DSCAM: variants seen among roughly 807,000 people sequenced by gnomAD.
DSCAM encodes cell adhesion molecule DSCAM.
In DSCAM, 47 loss-of-function variants were observed where a neutral mutation model predicts 217.7. That is an observed-to-expected ratio of 0.22 (90% CI 0.17 to 0.28). DSCAM has a LOEUF of 0.28. Ranked by LOEUF, DSCAM falls within the 10% of genes least tolerant of loss-of-function variation. The pLI, the probability that DSCAM is intolerant of heterozygous loss-of-function variation, is 1.00. For synonymous variants in DSCAM, 1,056 were observed against 1,015.3 expected (o/e 1.04, Z -0.76); for missense variants, 2,080 against 2,618.3 (o/e 0.79, Z 4.49).
At chr21:40,269,062 C>G (rs2073579176) in intron 11 of DSCAM, among the ~76,000 whole-genome samples, 1 of 152,138 alleles carries the variant, frequency 6.6e-6, no homozygotes, top group South Asian at 2.1e-4. Flanking sequence ...AGCAGGATTA[C>G]CGAGGGGAAC....
chr21:40,236,653 G>A (rs2073083840), intron 11 of DSCAM, among the ~76,000 whole-genome samples: 1 of 152,106 alleles, frequency 6.6e-6, no homozygotes, highest in Admixed American at 6.5e-5. Context: ...CTGAGCCCTA[G>A]GCATTAGTTC....
intron 1 of DSCAM, among the ~76,000 whole-genome samples, chr21:40,824,204 C>T (rs1201226409): frequency 3.9e-5 from 6 of 152,066 alleles, no homozygotes; most frequent in African/African-American, 1.2e-4. Context: ...ACCCCGGCAC[C>T]GTGGAATTAG....
intron 3 of DSCAM, among the ~76,000 whole-genome samples, chr21:40,526,590 G>A (rs2076402527): frequency 6.6e-6 from 1 of 152,120 alleles, no homozygotes; most frequent in African/African-American, 2.4e-5. Flanking sequence ...GTGGGATTCA[G>A]GGAGATAATG....
At chr21:40,596,851 C>T (rs938661852) in intron 3 of DSCAM, among the ~76,000 whole-genome samples, 2 of 151,234 alleles carry the variant, frequency 1.3e-5, no homozygotes, top group Admixed American at 6.6e-5. Context: ...TCCCAGTTTC[C>T]TCATTTTACA....
rs545792028 is a variant in DSCAM at position 40,214,754 on chromosome 21, A to C, written c.2357-25516T>G. On this transcript the variant is annotated intron_variant, in intron 11 of 32. Transcript: ENST00000400454. Reference sequence around the variant, plus strand: ...CAACAGCAAAAAAAAAAAAAAAAACAAAACAAAAAACAACAAGAAAAAGAC... The same window carrying C: ...CAACAGCAAAAAAAAAAAAAAAAACCAAACAAAAAACAACAAGAAAAAGAC... Among the ~76,000 whole-genome samples, 3 of 149,352 alleles carry C rather than the reference A, an allele frequency of 2.0e-5. 1 individual carries two copies. The highest frequency in any genetic ancestry group is 1.9e-4 in the East Asian group (1 of 5,136).
intron 8 of DSCAM, among the ~76,000 whole-genome samples, chr21:40,337,118 T>A (rs1218635794): frequency 2.6e-5 from 4 of 152,196 alleles, no homozygotes; most frequent in Non-Finnish European, 5.9e-5. Context: ...TGTGTGTGTG[T>A]CTGTATGCGT....
intron 11 of DSCAM, among the ~76,000 whole-genome samples, chr21:40,271,793 G>A (rs115635099): frequency 0.014 from 2,140 of 152,202 alleles, 61 homozygotes; most frequent in African/African-American, 0.049. Flanking sequence ...AGGTGCAGTC[G>A]CTCTGCCCAC....
At chr21:40,712,506 AT>A (rs961655883) in intron 1 of DSCAM, among the ~76,000 whole-genome samples, 20 of 144,728 alleles carry the variant, frequency 1.4e-4, no homozygotes, top group African/African-American at 5.1e-4. Context: ...AGAATCTAAC[AT>A]TTATCTATTA....
intron 19 of DSCAM, among the ~76,000 whole-genome samples, chr21:40,133,604 A>G (rs1363937012): frequency 2.5e-5 from 3 of 119,754 alleles, no homozygotes; most frequent in East Asian, 5.7e-4. Flanking sequence ...ACTTGGCCAA[A>G]AAAAACAAAA....
At chr21:40,374,653 T>G (rs1343145845) in intron 3 of DSCAM, among the ~76,000 whole-genome samples, 1 of 152,166 alleles carries the variant, frequency 6.6e-6, no homozygotes, top group Non-Finnish European at 1.5e-5. Context: ...TGCACAAAAT[T>G]TATATGATGA....
At chr21:40,685,756 AC>A (rs2090465961) in intron 3 of DSCAM, among the ~76,000 whole-genome samples, 2 of 152,110 alleles carry the variant, frequency 1.3e-5, no homozygotes, top group Admixed American at 6.5e-5. Flanking sequence ...GGGCTTGGGG[AC>A]CTTTGACATG....
At chr21:40,698,382 C>G (rs1355469953) in intron 2 of DSCAM, among the ~76,000 whole-genome samples, 1 of 152,088 alleles carries the variant, frequency 6.6e-6, no homozygotes, top group Non-Finnish European at 1.5e-5. Flanking sequence ...GAAATCAAAA[C>G]TTAAGTGGGG....
chr21:40,432,241 T>TA (rs2075541611), intron 3 of DSCAM, among the ~76,000 whole-genome samples: 1 of 71,894 alleles, frequency 1.4e-5, no homozygotes, highest in African/African-American at 3.9e-5. Context: ...TAAATAAATA[T>TA]CTTCTTCTTC....
chr21:40,323,046 C>T (rs1425600869), intron 8 of DSCAM, among the ~76,000 whole-genome samples: 1 of 152,070 alleles, frequency 6.6e-6, no homozygotes, highest in African/African-American at 2.4e-5. Flanking sequence ...AGGACAGGCT[C>T]TTTTTTGGAG....
chr21:40,020,982 G>A (rs904081263), intron 32 of DSCAM, among the ~76,000 whole-genome samples: 6 of 152,026 alleles, frequency 3.9e-5, no homozygotes, highest in African/African-American at 1.4e-4. Context: ...CACAGAGAAG[G>A]GCTCTGGGAA....
At chr21:40,506,236 T>C (rs1351145066) in intron 3 of DSCAM, among the ~76,000 whole-genome samples, 4 of 152,216 alleles carry the variant, frequency 2.6e-5, no homozygotes, top group African/African-American at 9.6e-5. Context: ...GAGGGGACAG[T>C]AATGACACTC....
chr21:40,224,345 C>T (rs2091312903), intron 11 of DSCAM, among the ~76,000 whole-genome samples: 2 of 152,194 alleles, frequency 1.3e-5, no homozygotes, highest in Non-Finnish European at 2.9e-5. Context: ...GGTATTTACA[C>T]ATCTCTGGTA....
intron 3 of DSCAM, among the ~76,000 whole-genome samples, chr21:40,473,585 T>C (rs1012248368): frequency 2.0e-5 from 3 of 152,210 alleles, no homozygotes; most frequent in African/African-American, 7.2e-5. Context: ...GTTCTATGTG[T>C]TACAGAATGT....
intron 3 of DSCAM, among the ~76,000 whole-genome samples, chr21:40,672,627 C>T (rs549812869): frequency 1.3e-5 from 2 of 152,104 alleles, no homozygotes; most frequent in Non-Finnish European, 2.9e-5. Flanking sequence ...GGACATCCTC[C>T]GCACACACAT....
Sources: allele counts gnomAD v4.1 joint callset (sites outside exome capture counted in the v4.1 genomes callset), GRCh38; gene constraint gnomAD v4.1.1; transcripts MANE v1.5; gene names NCBI Gene and HGNC (gene_info 2026-07-23, HGNC 2026-07-21).